The following TEX15 variants were observed in gnomAD, a reference collection of about 807,000 sequenced individuals.
TEX15 encodes testis expressed 15, meiosis and synapsis associated.
In TEX15, 171 loss-of-function variants were observed where a neutral mutation model predicts 237.3. The observed-to-expected ratio is 0.72, with a 90% CI of 0.64 to 0.82. The LOEUF (loss-of-function observed/expected upper bound fraction) is 0.82, where lower values mean the gene tolerates loss of function less well. Among genes scored for constraint, TEX15 ranks in the 40% least tolerant of loss-of-function variants. The probability of loss-of-function intolerance (pLI) is 0.00; values close to 1 mark genes in which losing one functional copy is unlikely to be tolerated. For missense variants in TEX15, 3,750 were observed against 3,646.5 expected (o/e 1.03, Z -0.73); for synonymous variants, 1,338 against 1,269.8 (o/e 1.05, Z -1.14).
chr8:30,833,319 T>C lies in TEX15; in HGVS notation c.9486A>G (p.Pro3162=). ...CTGGATGAAAGGATTCTTGGTGCCA[T>C]GGAGCTGGAAGAAAAAACACCACAA... ...VPPEVPWVYA[P]WHQESFHPGH The change falls in exon 11 of 11, where the codon CCA becomes CCG. Residue 3162 remains proline (P), a synonymous_variant. Coordinates refer to ENST00000643185, the MANE Select transcript of TEX15 (RefSeq NM_001350162.2). 2 of 1,596,690 alleles carry C rather than the reference T, an allele frequency of 1.3e-6. No individual in the cohort carries two copies. The highest frequency in any genetic ancestry group is 1.3e-5 in the African/African-American group (1 of 74,260).
chr8:30,859,991 A>C lies in TEX15; in HGVS notation c.607T>G (p.Ser203Ala). ...GACATATGGCAATCAAAGTTAGGAG[A>C]AGGATCCAAAGAAACTTTATTTTTA... Reference protein sequence around the residue: ...VDKNKVSLDPSPNFDCHMSRN... With the variant: ...VDKNKVSLDPAPNFDCHMSRN... Residue 203 changes from serine to alanine, a missense_variant, in exon 6 of 11, where the codon TCT (serine) becomes GCT (alanine). By Grantham distance (99) the Ser-to-Ala change is moderately conservative. Coordinates refer to ENST00000643185, the MANE Select transcript of TEX15 (RefSeq NM_001350162.2). 1 of 1,517,500 alleles carries C rather than the reference A, an allele frequency of 6.6e-7. No individual in the cohort carries two copies. The highest frequency in any genetic ancestry group is 8.8e-7 in the Non-Finnish European group (1 of 1,140,146). 94.0% of individuals were successfully genotyped at this position (1,517,500 alleles called of 1,614,324 possible). A position where few individuals can be genotyped will look rare whatever the true frequency, so the allele number is the denominator to read the frequency against.
intron 2 of TEX15, among the ~76,000 whole-genome samples, chr8:30,897,558 C>T (rs201311581): frequency 2.0e-5 from 3 of 152,224 alleles, no homozygotes; most frequent in South Asian, 2.1e-4. Context: ...TTAGAATCAA[C>T]CAAAAATCAT....
At position 30,843,226 on chromosome 8, in the gene TEX15, A is replaced by G; in HGVS notation, c.6941T>C (p.Ile2314Thr). ...NKCAFSKLQK[I>T]YDTLSKDLNN... ...TAAATCTTTAGACAAAGTATCATAT[A>G]TCTTCTGCAACTTAGAAAAGGCACA... The change falls in exon 8 of 11, where the codon ATA becomes ACA. Residue 2314 changes from isoleucine (I) to threonine (T), a missense_variant. Transcript: ENST00000643185. 1 of 1,613,470 alleles carries G rather than the reference A, an allele frequency of 6.2e-7. No individual in the cohort carries two copies. The highest frequency in any genetic ancestry group is 2.2e-5 in the East Asian group (1 of 44,830).
Position 30,846,981 on chromosome 8 carries a change from T to C in TEX15, c.3186A>G (p.Glu1062=). Reference sequence around the variant, plus strand: ...CATCATCACAATCTTCTAATTCTATTTCAATTTCACTTTCCAATTCAATGC... The same window carrying C: ...CATCATCACAATCTTCTAATTCTATCTCAATTTCACTTTCCAATTCAATGC... ...LQSIELESEI[E]IELEDCDDAF... The change falls in exon 8 of 11, where the codon GAA becomes GAG. Residue 1062 remains glutamate (E), a synonymous_variant. Coordinates refer to ENST00000643185, the MANE Select transcript of TEX15 (RefSeq NM_001350162.2). The C allele has an allele frequency of 6.2e-7, 1 of 1,613,692 alleles. No homozygotes were observed. The highest frequency in any genetic ancestry group is 1.7e-5 in the Admixed American group (1 of 60,006).
chr8:30,847,371 C>T lies in TEX15; in HGVS notation c.2796G>A (p.Val932=), dbSNP rs760084341. The change falls in exon 8 of 11, where the codon GTG becomes GTA. Residue 932 remains valine, a synonymous_variant. Coordinates refer to ENST00000643185, the MANE Select transcript of TEX15 (RefSeq NM_001350162.2). ...FNLICREDNA[V]SAATALLESE... is the part of the protein sequence containing the mutation. ...TCTCTAATAATGCAGTTGCTGCTGACACTGCATTATCTTCTCTGCAAATCA... is the reference window on the plus strand; with the variant it reads ...TCTCTAATAATGCAGTTGCTGCTGATACTGCATTATCTTCTCTGCAAATCA... The T allele has an allele frequency of 6.2e-7, 1 of 1,613,520 alleles. No homozygotes were observed. Among genetic ancestry groups the T allele is most frequent in the South Asian group, 1.1e-5 (1 of 91,064 alleles).
chr8:30,836,140 A>C (rs1807286783), intron 10 of TEX15, among the ~76,000 whole-genome samples: 1 of 148,036 alleles, frequency 6.8e-6, no homozygotes, highest in South Asian at 2.1e-4. Context: ...AGTTTACATG[A>C]TATAGTTTTA....
At chr8:30,858,956 C>T (rs1807975953) in intron 6 of TEX15, 126 bp from the exon 7 acceptor site, 1 of 608,464 alleles carries the variant, frequency 1.6e-6, no homozygotes. Flanking sequence ...CTCCAGCTGC[C>T]TTGTTTAACC....
Position 30,845,950 on chromosome 8 carries a change from T to C in TEX15, c.4217A>G (p.Glu1406Gly), listed in dbSNP as rs1196790789. 6.2e-7 allele frequency: 1 copy of C among 1,612,932 alleles called. No individual in the cohort carries two copies. Among genetic ancestry groups the C allele is most frequent in the Non-Finnish European group, 8.5e-7 (1 of 1,179,532 alleles). Residue 1406 changes from glutamate to glycine, a missense_variant, in exon 8 of 11, where the codon GAA (glutamate) becomes GGA (glycine). Physicochemically the swap from Glu to Gly is moderately conservative, Grantham distance 98. Coordinates refer to ENST00000643185, the MANE Select transcript of TEX15 (RefSeq NM_001350162.2). ...TTTTGGTAATGGGCCCTTTCTTTCT[T>C]CTCCTACTTTAGTTATAAGCTGCAA... ...TSLQLITKVG[E>G]ERKGPLPKSY... is the part of the protein sequence containing the mutation.
Position 30,845,613 on chromosome 8 carries a change from C to T in TEX15, c.4554G>A (p.Gln1518=). The change falls in exon 8 of 11, where the codon CAG becomes CAA. Residue 1518 remains glutamine, a synonymous_variant. Transcript: ENST00000643185. ...TTTGGGATGTGGAGGATACAGGCAA[C>T]TGTGATTCAGGATGTTCTTGATTAC... ...EFCNQEHPES[Q]LPVSSTSQST... 6.2e-7 allele frequency: 1 copy of T among 1,613,606 alleles called. No individual in the cohort carries two copies. Among genetic ancestry groups the T allele is most frequent in the Non-Finnish European group, 8.5e-7 (1 of 1,179,624 alleles).
chr8:30,910,989 TA>T (rs1249973454), intron 1 of TEX15, among the ~76,000 whole-genome samples: 2 of 152,310 alleles, frequency 1.3e-5, no homozygotes, highest in East Asian at 3.9e-4. Flanking sequence ...CTTCAACTGT[TA>T]AAACGAACTC....
At position 30,846,722 on chromosome 8, in the gene TEX15, TG is replaced by T. The variant is rs1563240707; in HGVS notation, c.3444del (p.Ser1149AlafsTer29). ...SSTQNNETEL[T>X]SPILLPDLQI... is the part of the protein sequence containing the mutation. ...TGTAGATCTGGAAGTAAAATTGGGC[TG>T]GTAAGTTCTGTTTCATTGTTTTGTG... On this transcript the variant is annotated frameshift_variant, in exon 8 of 11. Coordinates refer to ENST00000643185, the MANE Select transcript of TEX15 (RefSeq NM_001350162.2). LOFTEE classifies it high-confidence loss of function. 1 of 1,613,666 alleles carries T rather than the reference TG, an allele frequency of 6.2e-7. No homozygotes were observed. The highest frequency in any genetic ancestry group is 1.1e-5 in the South Asian group (1 of 91,012).
intron 1 of TEX15, among the ~76,000 whole-genome samples, chr8:30,912,517 G>A (rs1022833575): frequency 5.9e-5 from 9 of 152,178 alleles, no homozygotes; most frequent in Non-Finnish European, 1.0e-4. Flanking sequence ...TCAGAGCAGC[G>A]AGTTTCTCCT....
intron 10 of TEX15, among the ~76,000 whole-genome samples, chr8:30,834,358 G>A (rs1807246235): frequency 6.6e-6 from 1 of 152,164 alleles, no homozygotes; most frequent in Non-Finnish European, 1.5e-5. Flanking sequence ...TTTTAGTAGA[G>A]ATAGGGTTGC....
chr8:30,877,958 T>C (rs1808434536), intron 3 of TEX15, among the ~76,000 whole-genome samples: 1 of 152,154 alleles, frequency 6.6e-6, no homozygotes, highest in African/African-American at 2.4e-5. Flanking sequence ...TTTTTCATAC[T>C]GAAACTCTCC....
chr8:30,863,934 A>G (rs1431801425), intron 5 of TEX15, among the ~76,000 whole-genome samples: 2 of 139,594 alleles, frequency 1.4e-5, no homozygotes, highest in Non-Finnish European at 3.1e-5. Flanking sequence ...CATGTAAAGA[A>G]ACAGAAAATT....
intron 2 of TEX15, among the ~76,000 whole-genome samples, chr8:30,894,091 T>C (rs1033014194): frequency 6.6e-6 from 1 of 152,230 alleles, no homozygotes; most frequent in Non-Finnish European, 1.5e-5. Flanking sequence ...TCTTCATTAA[T>C]AAAGGTTATA....
intron 5 of TEX15, among the ~76,000 whole-genome samples, chr8:30,862,550 A>C (rs886129744): frequency 3.3e-5 from 5 of 152,114 alleles, no homozygotes; most frequent in Non-Finnish European, 1.5e-5. Context: ...TACATTCCAA[A>C]TTTTCTAAAA....
In TEX15 at chr8:30,843,851, C is replaced by T. The variant is rs1807521878; in HGVS notation, c.6316G>A (p.Asp2106Asn). The change falls in exon 8 of 11, where the codon GAT becomes AAT. Residue 2106 changes from aspartate to asparagine, a missense_variant. Transcript: ENST00000643185. ...EPTLRSLLWY[D>N]ETLYAELLGK... ...AGAAGCTCAGCATACAGTGTTTCAT[C>T]ATACCAAAGCAAGCTTCGCAATGTT... The T allele has an allele frequency of 6.2e-7, 1 of 1,612,316 alleles. No individual in the cohort carries two copies. The highest frequency in any genetic ancestry group is 1.3e-5 in the African/African-American group (1 of 74,866).
chr8:30,835,171 C>A (rs187540271), intron 10 of TEX15, among the ~76,000 whole-genome samples: 103 of 152,078 alleles, frequency 6.8e-4, no homozygotes, highest in Middle Eastern at 6.8e-3. Context: ...GTGGCGCGAT[C>A]TCGGCTCACT....
Sources: gnomAD v4.1 joint callset for allele counts (sites outside exome capture counted in the v4.1 genomes callset) on GRCh38, gnomAD v4.1.1 for gene constraint, MANE v1.5 for transcripts, NCBI Gene and HGNC (gene_info 2026-07-23, HGNC 2026-07-21) for gene names.